Variants in SELENBP1 observed in about 807,000 individuals in gnomAD.
The protein encoded by SELENBP1 is selenium binding protein 1.
In SELENBP1, 71 loss-of-function variants were observed where a neutral mutation model predicts 61.0. That is an observed-to-expected ratio of 1.16 (90% CI 0.96 to 1.42). The LOEUF is 1.42. Ranked by LOEUF, SELENBP1 falls within the 40% of genes most tolerant of loss-of-function variation. SELENBP1 has a pLI of 0.00. For synonymous variants in SELENBP1, 270 were observed against 238.9 expected (o/e 1.13, Z -1.20); for missense variants, 561 against 605.0 (o/e 0.93, Z 0.76).
chr1:151,371,512 G>A lies in SELENBP1; in HGVS notation c.4+1126C>T, dbSNP rs1255064154. Among the ~76,000 whole-genome samples, 7 of 152,112 alleles carry A rather than the reference G, an allele frequency of 4.6e-5. 1 individual carries two copies. ...GTGCTCGATGCCCAGCGAGAGGGCT[G>A]GAGGTGGGGCAGGGAGAGAGAGAGA... On this transcript the variant is annotated intron_variant, in intron 1 of 11. Transcript: ENST00000368868.
chr1:151,365,422 C>T lies in SELENBP1; in HGVS notation c.1044+141G>A. On this transcript the variant is annotated intron_variant, in intron 9 of 11. Coordinates refer to ENST00000368868, the MANE Select transcript of SELENBP1 (RefSeq NM_003944.4). Reference sequence around the variant, plus strand: ...CATCCCTGGCCTGGACAGTCCTGGGCCTGTGCTGTCCCACAGCACACATGT... The same window carrying T: ...CATCCCTGGCCTGGACAGTCCTGGGTCTGTGCTGTCCCACAGCACACATGT... 4 of 1,478,224 alleles carry T rather than the reference C, an allele frequency of 2.7e-6. No homozygotes were observed. The Admixed American group carries it at 5.2e-5, about 19-fold the overall frequency. The allele number at this position is 1,478,224 out of a possible 1,614,324, so 91.6% of individuals were successfully genotyped here.
Position 151,366,271 on chromosome 1 carries a change from T to C in SELENBP1, c.843+4A>G. The C allele has an allele frequency of 6.2e-7, 1 of 1,611,740 alleles. No homozygotes were observed. The highest frequency in any genetic ancestry group is 2.2e-5 in the East Asian group (1 of 44,830). The stretch of plus-strand genomic sequence containing the variant: ...GGAGGGGAGGGCCAGAGGGCGTATG[T>C]CACCTCGTTCTTGTAGAAGCGCTGG... On this transcript the variant is annotated splice_donor_region_variant and intron_variant, in intron 7 of 11. Coordinates refer to ENST00000368868, the MANE Select transcript of SELENBP1 (RefSeq NM_003944.4).
In SELENBP1 at chr1:151,366,687, C is replaced by T. The variant is rs762144179; in HGVS notation, c.664+35G>A. 3.2e-5 allele frequency: 52 copies of T among 1,605,578 alleles called. No homozygotes were observed. The South Asian group carries it at 5.3e-4, about 16-fold the overall frequency. On this transcript the variant is annotated intron_variant, in intron 6 of 11. Transcript: ENST00000368868. ...GAGCAGAAAGCAAGGGGATGTAGGCCCAAGGCTCCTGCTGGCACATGGGGG... is the reference window on the plus strand; with the variant it reads ...GAGCAGAAAGCAAGGGGATGTAGGCTCAAGGCTCCTGCTGGCACATGGGGG...
In SELENBP1 at chr1:151,364,587, G is replaced by C. The variant is rs532511026; in HGVS notation, c.1375C>G (p.Leu459Val). 1.2e-6 allele frequency: 2 copies of C among 1,614,144 alleles called. No individual in the cohort carries two copies. Among genetic ancestry groups the C allele is most frequent in the South Asian group, 2.2e-5 (2 of 91,084 alleles). The change falls in exon 12 of 12, where the codon CTC (leucine) becomes GTC (valine). Residue 459 changes from leucine (L) to valine (V), a missense_variant. Transcript: ENST00000368868. The stretch of plus-strand genomic sequence containing the variant: ...CTACAATCGCCCCCAGGGTAGCGGA[G>C]CTCATGGGCAAGGGCTGGGCCAAGG... The part of the protein sequence containing the change: ...EPLGPALAHE[L>V]RYPGGDCSSD...
At position 151,365,590 on chromosome 1, in the gene SELENBP1, G is replaced by A; in HGVS notation, c.1017C>T (p.Asp339=). Residue 339 remains aspartate, a synonymous_variant, in exon 9 of 12, where the codon GAC becomes GAT. Transcript: ENST00000368868. The stretch of plus-strand genomic sequence containing the variant: ...GTCCTGTGAGGCGGGGTCTCTGTGG[G>A]TCAGAGATGTCATACTGCCTCAGGT... The part of the protein sequence containing the change: ...HGDLRQYDIS[D]PQRPRLTGQL... 1.2e-6 allele frequency: 2 copies of A among 1,614,118 alleles called. No individual in the cohort carries two copies. Among genetic ancestry groups the A allele is most frequent in the Non-Finnish European group, 1.7e-6 (2 of 1,180,032 alleles).
chr1:151,369,630 G>A (rs1283122802), intron 2 of SELENBP1, 76 bp from the exon 3 acceptor site: 1 of 1,547,810 alleles, frequency 6.5e-7, no homozygotes, highest in African/African-American at 1.4e-5. Context: ...TGTGCCAGAG[G>A]GTGGGGGCTA....
intron 1 of SELENBP1, chr1:151,370,080 C>A (rs1652069540): frequency 1.7e-6 from 2 of 1,208,568 alleles, no homozygotes; most frequent in South Asian, 4.3e-5. Flanking sequence ...GACTCGGGGC[C>A]CAACCCCAGC....
chr1:151,367,865 C>T (rs1334218341), intron 5 of SELENBP1, among the ~76,000 whole-genome samples: 2 of 152,186 alleles, frequency 1.3e-5, no homozygotes, highest in African/African-American at 4.8e-5. Context: ...TGGGGTTTCA[C>T]CATGTTGGCC....
At position 151,369,697 on chromosome 1, in the gene SELENBP1, G is replaced by A. The variant is rs1038035042; in HGVS notation, c.61+16C>T. The A allele has an allele frequency of 5.2e-6, 8 of 1,550,946 alleles. No individual in the cohort carries two copies. In the Admixed American group the frequency reaches 1.4e-4, roughly 27 times the overall value. The stretch of plus-strand genomic sequence containing the variant: ...ATCAGTAGTAGGGCGCTGGCTCTCA[G>A]ACCATGGGCAATTACCTTTCATGGC... On this transcript the variant is annotated intron_variant, in intron 2 of 11. Transcript: ENST00000368868.
intron 11 of SELENBP1, 90 bp downstream of exon 11, chr1:151,364,836 C>A (rs576838085): frequency 2.5e-5 from 38 of 1,503,478 alleles, no homozygotes; most frequent in Non-Finnish European, 3.5e-5. Context: ...TGGTGGGGTA[C>A]AGGGGTCTCC....
In SELENBP1 at chr1:151,369,535, G is replaced by A; in HGVS notation, c.81C>T (p.Val27=). 6.2e-7 allele frequency: 1 copy of A among 1,609,474 alleles called. No individual in the cohort carries two copies. The highest frequency in any genetic ancestry group is 8.5e-7 in the Non-Finnish European group (1 of 1,178,170). ...EAMKGPREEI[V]YLPCIYRNTG... is the part of the protein sequence containing the mutation. Reference sequence around the variant, plus strand: ...TGTTTCGGTAAATGCAGGGCAGGTAGACGATCTCTTCCCTGGGTCCTGCAC... The same window carrying A: ...TGTTTCGGTAAATGCAGGGCAGGTAAACGATCTCTTCCCTGGGTCCTGCAC... Residue 27 remains valine, a synonymous_variant, in exon 3 of 12, where the codon GTC becomes GTT. Coordinates refer to ENST00000368868, the MANE Select transcript of SELENBP1 (RefSeq NM_003944.4).
At chr1:151,365,949 G>T in intron 7 of SELENBP1, 103 bp from the exon 8 acceptor site, 1 of 1,227,286 alleles carries the variant, frequency 8.1e-7, no homozygotes, top group Non-Finnish European at 1.2e-6. Flanking sequence ...GGGAGGGAGA[G>T]AATAGATGCC....
chr1:151,370,124 G>T, intron 1 of SELENBP1: 1 of 697,262 alleles, frequency 1.4e-6, no homozygotes, highest in Non-Finnish European at 2.2e-6. Context: ...CTTGGGCAAA[G>T]TACTGAAGCT....
At chr1:151,364,812 A>G (rs1007649274) in intron 11 of SELENBP1, 107 bp from the exon 12 acceptor site, 21 of 1,487,892 alleles carry the variant, frequency 1.4e-5, no homozygotes, top group Non-Finnish European at 1.7e-5. Context: ...CAGGGTCTCA[A>G]TGGGCCATCT....
rs748545569 is a variant in SELENBP1 at position 151,364,541 on chromosome 1, G to A, written c.*2C>T. ...AGGGAGTGTGGGTGATGAGGGTGGA[G>A]TTCAAATCCAGATGTCAGAGCTACA... On this transcript the variant is annotated 3_prime_UTR_variant, in exon 12 of 12. Coordinates refer to ENST00000368868, the MANE Select transcript of SELENBP1 (RefSeq NM_003944.4). 4 of 1,613,904 alleles carry A rather than the reference G, an allele frequency of 2.5e-6. No homozygotes were observed. In the East Asian group the frequency reaches 6.7e-5, roughly 27 times the overall value.
At chr1:151,368,885 G>T in intron 4 of SELENBP1, 119 bp downstream of exon 4, 3 of 1,076,994 alleles carry the variant, frequency 2.8e-6, no homozygotes, top group Non-Finnish European at 2.7e-6. Context: ...CCCTGCTGCC[G>T]AGCCAGTTGC....
At position 151,372,063 on chromosome 1, in the gene SELENBP1, C is replaced by T. The variant is rs72710114; in HGVS notation, c.4+575G>A. Reference sequence around the variant, plus strand: ...ACCTCAGTTCCTTCTTAGCCTGTCACCCAGAAGCCTACAGATGGAGGAATA... The same window carrying T: ...ACCTCAGTTCCTTCTTAGCCTGTCATCCAGAAGCCTACAGATGGAGGAATA... On this transcript the variant is annotated intron_variant, in intron 1 of 11. Coordinates refer to ENST00000368868, the MANE Select transcript of SELENBP1 (RefSeq NM_003944.4). 4.6e-3 allele frequency among the ~76,000 whole-genome samples: 703 copies of T among 152,300 alleles called. 4 individuals are homozygous for T. The highest frequency in any genetic ancestry group is 7.5e-3 in the Non-Finnish European group (511 of 68,018).
chr1:151,370,071 A>T, intron 1 of SELENBP1: 1 of 1,282,334 alleles, frequency 7.8e-7, no homozygotes, highest in Non-Finnish European at 1.0e-6. Context: ...TATGACACGG[A>T]CTCGGGGCCC....
Position 151,365,240 on chromosome 1 carries a change from T to G in SELENBP1, c.1086A>C (p.Gln362His). The G allele has an allele frequency of 6.2e-7, 1 of 1,613,590 alleles. No individual in the cohort carries two copies. Among genetic ancestry groups the G allele is most frequent in the Non-Finnish European group, 8.5e-7 (1 of 1,179,782 alleles). Residue 362 changes from glutamine (Q) to histidine (H), a missense_variant, in exon 10 of 12, where the codon CAA (glutamine) becomes CAC (histidine). By Grantham distance (24) the Gln-to-His change is conservative (BLOSUM62 0). Transcript: ENST00000368868. ...GGSIVKGGPV[Q>H]VLEDEELKSQ... ...ACTTTAGTTCCTCGTCCTCCAGCACTTGCACAGGGCCTCCCTTAACAATGC... is the reference window on the plus strand; with the variant it reads ...ACTTTAGTTCCTCGTCCTCCAGCACGTGCACAGGGCCTCCCTTAACAATGC...
Sources: allele counts gnomAD v4.1 joint callset (sites outside exome capture counted in the v4.1 genomes callset), GRCh38; gene constraint gnomAD v4.1.1; transcripts MANE v1.5; gene names NCBI Gene and HGNC (gene_info 2026-07-23, HGNC 2026-07-21).